The following RGS7 variants were observed in gnomAD, a reference collection of about 807,000 sequenced individuals.
RGS7 encodes the protein regulator of G protein signaling 7.
In RGS7, 27 loss-of-function variants were observed where a neutral mutation model predicts 81.1. That is an observed-to-expected ratio of 0.33 (90% confidence interval 0.25 to 0.46). The LOEUF (loss-of-function observed/expected upper bound fraction) is 0.46, where lower values mean the gene tolerates loss of function less well. Among genes scored for constraint, RGS7 ranks in the 20% least tolerant of loss-of-function variants. RGS7 has a pLI of 1.00. For missense variants in RGS7, 396 were observed against 607.4 expected (o/e 0.65, Z 3.66); for synonymous variants, 208 against 207.7 (o/e 1.00, Z -0.01).
chr1:241,304,962 G>T (rs965529424), intron 2 of RGS7, among the ~76,000 whole-genome samples: 3 of 152,064 alleles, frequency 2.0e-5, no homozygotes, highest in Admixed American at 6.5e-5. Context: ...CTCTTGAGCT[G>T]TCAAAAAAAG....
At chr1:240,775,476 T>G (rs1380433846), downstream of RGS7, 1 of 152,356 alleles carries the variant, frequency 6.6e-6, no homozygotes, top group African/African-American at 2.4e-5. Flanking sequence ...AGCATTTTCC[T>G]TTTTAGTTAG....
chr1:241,218,883 T>C (rs1253811786), intron 2 of RGS7, among the ~76,000 whole-genome samples: 1 of 151,972 alleles, frequency 6.6e-6, no homozygotes, highest in Non-Finnish European at 1.5e-5. Context: ...CTCCCATAAT[T>C]AGAATGTTTA....
chr1:241,279,227 C>T (rs10926452), intron 2 of RGS7, among the ~76,000 whole-genome samples: 55,852 of 151,828 alleles, frequency 0.37, 10,635 homozygotes, highest in East Asian at 0.55. Context: ...AGATTTTACT[C>T]CTTTCAGTAT....
At chr1:241,185,615 T>G (rs2072028308) in intron 2 of RGS7, among the ~76,000 whole-genome samples, 1 of 151,994 alleles carries the variant, frequency 6.6e-6, no homozygotes, top group African/African-American at 2.4e-5. Context: ...TAACAAATCA[T>G]GAAAACTAAA....
At chr1:241,328,642 G>A (rs2081765038) in intron 2 of RGS7, among the ~76,000 whole-genome samples, 1 of 152,170 alleles carries the variant, frequency 6.6e-6, no homozygotes, top group Non-Finnish European at 1.5e-5. Context: ...ATGGCTGTCT[G>A]TTTTGGTGAC....
At chr1:241,096,646 A>C (rs905856827) in intron 3 of RGS7, among the ~76,000 whole-genome samples, 1 of 152,198 alleles carries the variant, frequency 6.6e-6, no homozygotes, top group Non-Finnish European at 1.5e-5. Context: ...CTATATGTCC[A>C]ATCTTATTTT....
At chr1:241,160,471 C>T (rs2069558444) in intron 2 of RGS7, among the ~76,000 whole-genome samples, 1 of 150,930 alleles carries the variant, frequency 6.6e-6, no homozygotes, top group Non-Finnish European at 1.5e-5. Flanking sequence ...ATCCCCTGAA[C>T]GGTGTGTGGA....
Position 240,816,332 on chromosome 1 carries a change from A to G in RGS7, c.768T>C (p.Asp256=). Residue 256 remains aspartate (D), a synonymous_variant, in exon 11 of 19, where the codon GAT becomes GAC. Coordinates refer to ENST00000440928, the MANE Select transcript of RGS7 (RefSeq NM_001364886.1). ...PTPETKPPTE[D]ELQQQIKYWQ... is the part of the protein sequence containing the mutation. ...GTTGACTCACCTGTTGTTGTAACTC[A>G]TCTTCTGTTGGAGGTTTAGTTTCTG... 6.2e-7 allele frequency: 1 copy of G among 1,609,570 alleles called. No homozygotes were observed. Among genetic ancestry groups the G allele is most frequent in the Non-Finnish European group, 8.5e-7 (1 of 1,175,966 alleles).
At chr1:240,930,129 C>G (rs779724525) in intron 6 of RGS7, among the ~76,000 whole-genome samples, 5 of 151,968 alleles carry the variant, frequency 3.3e-5, no homozygotes, top group African/African-American at 4.8e-5. Flanking sequence ...CTCTTTTTCT[C>G]CTTGAAGAGC....
intron 9 of RGS7, among the ~76,000 whole-genome samples, chr1:240,858,663 G>C (rs919540095): frequency 6.6e-6 from 1 of 152,088 alleles, no homozygotes; most frequent in Non-Finnish European, 1.5e-5. Flanking sequence ...CCAGTCTGTG[G>C]CTTGAATTCT....
intron 2 of RGS7, among the ~76,000 whole-genome samples, chr1:241,177,208 T>TA (rs1459582024): frequency 1.3e-4 from 20 of 152,330 alleles, no homozygotes; most frequent in Non-Finnish European, 2.2e-4. Flanking sequence ...AGCAGTAGGC[T>TA]ACTCCACAGA....
chr1:240,862,566 T>A (rs1399672082), intron 9 of RGS7, among the ~76,000 whole-genome samples: 2 of 152,330 alleles, frequency 1.3e-5, no homozygotes, highest in Non-Finnish European at 1.5e-5. Flanking sequence ...GGTTTTTTTT[T>A]ATTGAAAGGT....
rs531079433 is a variant in RGS7 at position 241,039,736 on chromosome 1, C to T, written c.176-56607G>A. ...TGCCCACGATTCTCCATGCTCTTTC[C>T]CCATTTAGCTTGATGCAAACAAGCC... On this transcript the variant is annotated intron_variant, in intron 3 of 18. Transcript: ENST00000440928. Among the ~76,000 whole-genome samples, 10 of 152,254 alleles carry T rather than the reference C, an allele frequency of 6.6e-5. No homozygotes were observed. In the East Asian group the frequency reaches 1.2e-3, roughly 18 times the overall value.
chr1:241,033,688 C>T (rs1410968755), intron 3 of RGS7, among the ~76,000 whole-genome samples: 1 of 151,938 alleles, frequency 6.6e-6, no homozygotes, highest in Non-Finnish European at 1.5e-5. Flanking sequence ...CTTTACTTGG[C>T]AAAGTTAGGT....
At chr1:240,922,814 A>T (rs1212444680) in intron 6 of RGS7, among the ~76,000 whole-genome samples, 2 of 152,116 alleles carry the variant, frequency 1.3e-5, no homozygotes, top group Non-Finnish European at 2.9e-5. Flanking sequence ...AGTTTCTTAC[A>T]AAGCTAAATA....
intron 4 of RGS7, among the ~76,000 whole-genome samples, chr1:240,981,722 A>G (rs533250684): frequency 8.1e-4 from 124 of 152,280 alleles, no homozygotes; most frequent in Non-Finnish European, 9.9e-4. Flanking sequence ...ATCTTCAACA[A>G]TGAGTATTTT....
intron 2 of RGS7, among the ~76,000 whole-genome samples, chr1:241,227,828 T>C (rs531638751): frequency 7.5e-4 from 114 of 152,306 alleles, no homozygotes; most frequent in African/African-American, 2.7e-3. Context: ...TGGGGACTCC[T>C]TATCATGATT....
At chr1:241,202,455 A>G (rs2073593241) in intron 2 of RGS7, among the ~76,000 whole-genome samples, 1 of 152,348 alleles carries the variant, frequency 6.6e-6, no homozygotes, top group East Asian at 1.9e-4. Flanking sequence ...ATAGTTTTGC[A>G]TGACACGGGA....
At chr1:240,978,238 A>G (rs948177760) in intron 4 of RGS7, among the ~76,000 whole-genome samples, 2 of 152,224 alleles carry the variant, frequency 1.3e-5, no homozygotes, top group Non-Finnish European at 2.9e-5. Flanking sequence ...AGACAAAGTA[A>G]ATGAGAAAAA....
Sources: allele counts gnomAD v4.1 joint callset (sites outside exome capture counted in the v4.1 genomes callset), GRCh38; gene constraint gnomAD v4.1.1; transcripts MANE v1.5; gene names NCBI Gene and HGNC (gene_info 2026-07-23, HGNC 2026-07-21).